P3H2: variants seen among roughly 807,000 people sequenced by gnomAD.
P3H2 encodes the protein leprecan-like 1.
Under a neutral mutation model 87.0 loss-of-function variants are expected in P3H2, and 80 were observed. That is an observed-to-expected ratio of 0.92 (90% CI 0.77 to 1.11). The LOEUF (loss-of-function observed/expected upper bound fraction) is 1.11. P3H2 is among the 50% of genes least tolerant of loss of function. P3H2 has a pLI of 0.00. For missense variants in P3H2, 1,001 were observed against 923.9 expected, an observed-to-expected ratio of 1.08 and a Z score of -1.08; for synonymous variants, 367 against 359.3, an observed-to-expected ratio of 1.02 and a Z score of -0.24.
At chr3:190,071,589 C>T (rs1726699135) in intron 1 of P3H2, among the ~76,000 whole-genome samples, 1 of 152,116 alleles carries the variant, frequency 6.6e-6, no homozygotes, top group South Asian at 2.1e-4. Flanking sequence ...TACTCCTTTC[C>T]ATTTGAGGAA....
chr3:190,065,259 T>C (rs1397213080), intron 1 of P3H2, among the ~76,000 whole-genome samples: 1 of 152,202 alleles, frequency 6.6e-6, no homozygotes, highest in Non-Finnish European at 1.5e-5. Context: ...CATCAGAATA[T>C]GGATGCAGGT....
intron 1 of P3H2, among the ~76,000 whole-genome samples, chr3:190,051,806 A>G (rs1031270022): frequency 2.6e-5 from 4 of 152,328 alleles, no homozygotes; most frequent in Middle Eastern, 3.4e-3. Context: ...CAAAACAAAA[A>G]TGCTGAGGGA....
chr3:189,982,591 A>C (rs1008988355), intron 8 of P3H2, among the ~76,000 whole-genome samples: 1 of 152,140 alleles, frequency 6.6e-6, no homozygotes, highest in African/African-American at 2.4e-5. Flanking sequence ...CTTTCTCTAA[A>C]GGCCCTGCTC....
rs1479700851 is a variant in P3H2, at chr3:190,120,586, G to A, written c.146C>T (p.Ala49Val). The part of the protein sequence containing the change: ...GPLQPFDLLY[A>V]SGAAAYYSGD... Reference sequence around the variant, plus strand: ...GCTGTAGTAGGCGGCCGCGCCGCTGGCGTAGAGCAGGTCGAAGGGCTGCAG... The same window carrying A: ...GCTGTAGTAGGCGGCCGCGCCGCTGACGTAGAGCAGGTCGAAGGGCTGCAG... The change falls in exon 1 of 15, where the codon GCC (alanine) becomes GTC (valine). Residue 49 changes from alanine (A) to valine (V), a missense_variant. Coordinates refer to ENST00000319332, the MANE Select transcript of P3H2 (RefSeq NM_018192.4). The A allele has an allele frequency of 7.8e-6, 12 of 1,546,188 alleles. No individual in the cohort carries two copies. The Admixed American group carries it at 2.2e-4, about 29-fold the overall frequency.
chr3:190,048,338 A>T (rs1725870195), intron 1 of P3H2, among the ~76,000 whole-genome samples: 1 of 152,098 alleles, frequency 6.6e-6, no homozygotes, highest in Non-Finnish European at 1.5e-5. Context: ...TCTACTAAAA[A>T]ATACAAAAGT....
intron 1 of P3H2, among the ~76,000 whole-genome samples, chr3:190,083,171 G>A (rs530737403): frequency 6.6e-6 from 1 of 151,698 alleles, no homozygotes; most frequent in East Asian, 1.9e-4. Flanking sequence ...TGCCTTTTTT[G>A]CCTCTTTAGC....
chr3:190,090,428 GCA>G lies in P3H2; in HGVS notation c.480+29822_480+29823del, dbSNP rs200057024. Among the ~76,000 whole-genome samples, 645 of 152,246 alleles carry G rather than the reference GCA, an allele frequency of 4.2e-3. 5 individuals carry two copies. Among genetic ancestry groups the G allele is most frequent in the African/African-American group, 0.014 (595 of 41,542 alleles). ...AAAATATTTACCACCTATTGGCCGC[GCA>G]CGGTGGCTCACGCCTGTAATCCCAG... On this transcript the variant is annotated intron_variant, in intron 1 of 14. Coordinates refer to ENST00000319332, the MANE Select transcript of P3H2 (RefSeq NM_018192.4).
At chr3:190,083,779 G>C (rs1260803030) in intron 1 of P3H2, among the ~76,000 whole-genome samples, 3 of 152,268 alleles carry the variant, frequency 2.0e-5, no homozygotes, top group Non-Finnish European at 2.9e-5. Flanking sequence ...CTGGACCTGA[G>C]AGCCACTCTC....
chr3:190,049,497 G>C (rs979314349), intron 1 of P3H2, among the ~76,000 whole-genome samples: 1 of 152,206 alleles, frequency 6.6e-6, no homozygotes, highest in Non-Finnish European at 1.5e-5. Context: ...ATGAGTGGTT[G>C]TTGATATGTG....
chr3:190,035,731 C>A (rs1251869437), intron 1 of P3H2, among the ~76,000 whole-genome samples: 1 of 152,146 alleles, frequency 6.6e-6, no homozygotes, highest in Non-Finnish European at 1.5e-5. Context: ...TCAAAATAAT[C>A]TCCATTTAAA....
At position 190,095,846 on chromosome 3, in the gene P3H2, C is replaced by T. The variant is rs577554630; in HGVS notation, c.480+24406G>A. ...CTCGATCTCCTGACCTCGTGATTCG[C>T]CCACCTCGGCCTCCCAAAGTGCTGG... On this transcript the variant is annotated intron_variant, in intron 1 of 14. Coordinates refer to ENST00000319332, the MANE Select transcript of P3H2 (RefSeq NM_018192.4). Among the ~76,000 whole-genome samples the T allele has an allele frequency of 3.4e-3, 518 of 152,178 alleles. 3 individuals carry two copies. The highest frequency in any genetic ancestry group is 0.01 in the Middle Eastern group (3 of 294).
intron 4 of P3H2, chr3:189,987,877 C>T: frequency 1.7e-6 from 1 of 590,964 alleles, no homozygotes; most frequent in Admixed American, 3.0e-5. Context: ...CTTTGGTCTG[C>T]TTTGGTACTA....
rs578261933 is a variant in P3H2, at chr3:189,957,285, C to T, written c.*627G>A. The stretch of plus-strand genomic sequence containing the variant: ...ACTTTGGAGAGTCGGAGCTCATGGC[C>T]GTTAGCACCTAAGGATGTGGCTGAA... On this transcript the variant is annotated 3_prime_UTR_variant, in exon 15 of 15. Transcript: ENST00000319332. The T allele has an allele frequency of 2.0e-4, 81 of 399,404 alleles. No homozygotes were observed. The highest frequency in any genetic ancestry group is 1.4e-3 in the Admixed American group (33 of 22,966). 24.7% of individuals were successfully genotyped at this position (399,404 alleles called of 1,614,324 possible). A position where few individuals can be genotyped will look rare whatever the true frequency, so the allele number is the denominator to read the frequency against.
chr3:190,050,501 T>C (rs1487701201), intron 1 of P3H2, among the ~76,000 whole-genome samples: 1 of 152,168 alleles, frequency 6.6e-6, no homozygotes, highest in African/African-American at 2.4e-5. Flanking sequence ...GATGCAGACT[T>C]AGATGTCAGG....
At chr3:190,036,200 G>T (rs7645819) in intron 1 of P3H2, among the ~76,000 whole-genome samples, 122,269 of 151,932 alleles carry the variant, frequency 0.8, 49,242 homozygotes, top group East Asian at 0.86. Flanking sequence ...ACATCACTCT[G>T]CCTTTTCTCC....
intron 1 of P3H2, among the ~76,000 whole-genome samples, chr3:190,090,971 A>G (rs571614365): frequency 6.8e-6 from 1 of 147,220 alleles, no homozygotes; most frequent in South Asian, 2.1e-4. Flanking sequence ...TTATTTTTTT[A>G]TTCCGCCTGC....
At chr3:190,007,965 C>CACACACACAT in intron 1 of P3H2, among the ~76,000 whole-genome samples, 10 of 94,330 alleles carry the variant, frequency 1.1e-4, no homozygotes, top group African/African-American at 3.1e-4. Context: ...TGTTGACACA[C>CACACACACAT]ATATATATAT....
At chr3:190,029,476 G>A (rs915016650) in intron 1 of P3H2, among the ~76,000 whole-genome samples, 4 of 151,744 alleles carry the variant, frequency 2.6e-5, no homozygotes, top group Admixed American at 2.6e-4. Flanking sequence ...GTATCAACAG[G>A]CAAAAGGAAA....
At chr3:190,055,673 T>A (rs781529782) in intron 1 of P3H2, among the ~76,000 whole-genome samples, 1 of 151,726 alleles carries the variant, frequency 6.6e-6, no homozygotes, top group Non-Finnish European at 1.5e-5. Flanking sequence ...AAGATTATTA[T>A]GTGGGCCTTG....
Sources: gnomAD v4.1 joint callset for allele counts (sites outside exome capture counted in the v4.1 genomes callset) on GRCh38, gnomAD v4.1.1 for gene constraint, MANE v1.5 for transcripts, NCBI Gene and HGNC (gene_info 2026-07-23, HGNC 2026-07-21) for gene names.